Variants in ASIC2 observed in about 807,000 individuals in gnomAD.
ASIC2 encodes the protein acid-sensing ion channel 2.
ASIC2 carries 25 observed loss-of-function variants against 57.3 expected under a neutral mutation model. That is an observed-to-expected ratio of 0.44 (90% CI 0.32 to 0.61). The LOEUF (loss-of-function observed/expected upper bound fraction) is 0.61, where lower values mean the gene tolerates loss of function less well. ASIC2 is among the 20% of genes least tolerant of loss of function. The pLI is 0.06. For synonymous variants in ASIC2, 319 were observed against 307.5 expected (o/e 1.04, Z -0.39); for missense variants, 641 against 738.1 (o/e 0.87, Z 1.52).
At chr17:33,992,834 AAATG>A (rs1906042539) in intron 1 of ASIC2, among the ~76,000 whole-genome samples, 1 of 152,346 alleles carries the variant, frequency 6.6e-6, no homozygotes, top group Admixed American at 6.5e-5. Context: ...TTTGATGAAT[AAATG>A]AATGACCAGA....
At position 33,130,694 on chromosome 17, in the gene ASIC2, G is replaced by A. The variant is rs183311099; in HGVS notation, c.709-18627C>T. Reference sequence around the variant, plus strand: ...TGGATCCTCACTTTTTCCTCCTGGAGGGGGGGACTTGGCTGGAGTCTAGAA... The same window carrying A: ...TGGATCCTCACTTTTTCCTCCTGGAAGGGGGGACTTGGCTGGAGTCTAGAA... On this transcript the variant is annotated intron_variant, in intron 1 of 9. Coordinates refer to ENST00000225823, the MANE Select transcript of ASIC2 (RefSeq NM_183377.2). Among the ~76,000 whole-genome samples the A allele has an allele frequency of 2.6e-3, 399 of 152,286 alleles. 2 individuals are homozygous for A. Among genetic ancestry groups the A allele is most frequent in the African/African-American group, 9.2e-3 (381 of 41,572 alleles).
chr17:34,118,188 T>C (rs1432591548), intron 1 of ASIC2, among the ~76,000 whole-genome samples: 3 of 152,202 alleles, frequency 2.0e-5, no homozygotes, highest in African/African-American at 7.2e-5. Flanking sequence ...ACTTAATTTT[T>C]CTAAGCCTCA....
intron 1 of ASIC2, among the ~76,000 whole-genome samples, chr17:33,499,131 T>C (rs1156777530): frequency 1.3e-5 from 2 of 152,188 alleles, no homozygotes; most frequent in Non-Finnish European, 2.9e-5. Context: ...CTGGTTCCTT[T>C]TGTGTTTGTT....
chr17:33,089,791 T>G (rs1308720351), intron 2 of ASIC2, among the ~76,000 whole-genome samples: 1 of 152,206 alleles, frequency 6.6e-6, no homozygotes. Flanking sequence ...GGGGCTGCAA[T>G]GGCCAAGTAG....
intron 1 of ASIC2, among the ~76,000 whole-genome samples, chr17:33,970,428 T>A (rs1905195808): frequency 6.6e-6 from 1 of 152,188 alleles, no homozygotes; most frequent in Non-Finnish European, 1.5e-5. Context: ...AGACAGGCAG[T>A]GCCCACACCC....
intron 1 of ASIC2, among the ~76,000 whole-genome samples, chr17:33,350,935 T>G (rs1323387150): frequency 6.6e-6 from 1 of 152,152 alleles, no homozygotes; most frequent in African/African-American, 2.4e-5. Flanking sequence ...TCTCTTTCTG[T>G]TCTAACATTT....
chr17:33,805,878 C>T (rs552043021), intron 1 of ASIC2, among the ~76,000 whole-genome samples: 26 of 152,318 alleles, frequency 1.7e-4, no homozygotes, highest in African/African-American at 6.3e-4. Flanking sequence ...ATGGAACACG[C>T]TTTGCAAAAA....
chr17:34,060,663 T>C (rs1205327777), intron 1 of ASIC2, among the ~76,000 whole-genome samples: 2 of 151,944 alleles, frequency 1.3e-5, no homozygotes, highest in Middle Eastern at 3.2e-3. Context: ...CAAGCAAAAA[T>C]TCAGGAAACT....
intron 1 of ASIC2, among the ~76,000 whole-genome samples, chr17:34,132,034 A>C (rs890674787): frequency 2.6e-5 from 4 of 152,182 alleles, no homozygotes; most frequent in African/African-American, 9.7e-5. Flanking sequence ...ATGCCCTATA[A>C]GTTTGATCTC....
chr17:33,646,932 C>A (rs752610835), intron 1 of ASIC2, among the ~76,000 whole-genome samples: 2 of 151,920 alleles, frequency 1.3e-5, no homozygotes, highest in Non-Finnish European at 2.9e-5. Flanking sequence ...TGGGGGAGAG[C>A]GGTGGAGGAG....
chr17:33,138,727 A>C (rs542199847), intron 1 of ASIC2, among the ~76,000 whole-genome samples: 1 of 148,680 alleles, frequency 6.7e-6, no homozygotes, highest in South Asian at 2.2e-4. Context: ...AATATTTTTG[A>C]TTTTTAGACA....
chr17:33,468,796 G>A (rs1388120910), intron 1 of ASIC2, among the ~76,000 whole-genome samples: 1 of 152,126 alleles, frequency 6.6e-6, no homozygotes, highest in Admixed American at 6.5e-5. Context: ...TCAAAGTCAG[G>A]TGTCAAATTC....
At chr17:33,681,712 C>A (rs1240879573) in intron 1 of ASIC2, among the ~76,000 whole-genome samples, 3 of 152,204 alleles carry the variant, frequency 2.0e-5, no homozygotes, top group South Asian at 2.1e-4. Context: ...CGGCTCTAGT[C>A]CTGCCAGGTT....
chr17:33,877,554 C>T (rs1914580435), intron 1 of ASIC2, among the ~76,000 whole-genome samples: 1 of 152,108 alleles, frequency 6.6e-6, no homozygotes, highest in Admixed American at 6.6e-5. Flanking sequence ...ACTGGTGAGG[C>T]TGGGGGAGGG....
At chr17:34,021,539 T>G (rs764463697) in intron 1 of ASIC2, among the ~76,000 whole-genome samples, 16 of 152,310 alleles carry the variant, frequency 1.1e-4, no homozygotes, top group South Asian at 6.2e-4. Flanking sequence ...TGGTCAGGTC[T>G]TTTGGAATCT....
At chr17:33,560,269 G>A (rs1916032541) in intron 1 of ASIC2, among the ~76,000 whole-genome samples, 1 of 152,222 alleles carries the variant, frequency 6.6e-6, no homozygotes, top group Non-Finnish European at 1.5e-5. Flanking sequence ...CAGATCGATA[G>A]CAAGCATACC....
chr17:33,113,403 G>C (rs1019272222), intron 1 of ASIC2, among the ~76,000 whole-genome samples: 18 of 152,134 alleles, frequency 1.2e-4, no homozygotes, highest in African/African-American at 4.3e-4. Context: ...TTCAAACCTC[G>C]AGCTGAAGCC....
intron 1 of ASIC2, among the ~76,000 whole-genome samples, chr17:33,809,781 G>A (rs149629859): frequency 6.6e-6 from 1 of 152,204 alleles, no homozygotes; most frequent in Non-Finnish European, 1.5e-5. Context: ...GTGCATGAAT[G>A]CTAACAAGTT....
chr17:33,729,253 A>G (rs1909661212), intron 1 of ASIC2, among the ~76,000 whole-genome samples: 1 of 152,122 alleles, frequency 6.6e-6, no homozygotes, highest in African/African-American at 2.4e-5. Context: ...AGAGGGAGCA[A>G]GAGAGAGAGC....
Sources: gnomAD v4.1 joint callset for allele counts (sites outside exome capture counted in the v4.1 genomes callset) on GRCh38, gnomAD v4.1.1 for gene constraint, MANE v1.5 for transcripts, NCBI Gene and HGNC (gene_info 2026-07-23, HGNC 2026-07-21) for gene names.